The following ENTPD5 variants were observed in gnomAD, a reference collection of about 807,000 sequenced individuals.
The protein encoded by ENTPD5 is nucleoside diphosphate phosphatase ENTPD5.
A neutral mutation model predicts 60.2 loss-of-function variants in ENTPD5; 49 were observed. The ratio of observed to expected loss-of-function variants is 0.81; its 90% CI spans 0.65 to 1.03. ENTPD5 has a LOEUF of 1.03. ENTPD5 is among the 50% of genes least tolerant of loss of function. The pLI is 0.00. For missense variants in ENTPD5, 480 were observed against 507.6 expected (o/e 0.95, Z 0.52); for synonymous variants, 187 against 185.4 (o/e 1.01, Z -0.07).
rs759066906 is a variant in ENTPD5 at position 73,987,913 on chromosome 14, C to G, written c.190G>C (p.Val64Leu). ...DAGSTGTRIH[V>L]YTFVQKMPGQ... ...GGCATTTTCTGCACAAAGGTGTAAA[C>G]ATGAATTCGAGTTCCAGTGCTCCCT... The change falls in exon 4 of 16, where the codon GTT becomes CTT. Residue 64 changes from valine to leucine, a missense_variant. Transcript: ENST00000334696. The G allele has an allele frequency of 1.2e-6, 2 of 1,614,028 alleles. No individual in the cohort carries two copies. Among genetic ancestry groups the G allele is most frequent in the African/African-American group, 1.3e-5 (1 of 74,916 alleles).
Position 73,986,845 on chromosome 14 carries a change from C to T in ENTPD5, c.266G>A (p.Gly89Glu), listed in dbSNP as rs555761856. 6.2e-7 allele frequency: 1 copy of T among 1,614,090 alleles called. No individual in the cohort carries two copies. Among genetic ancestry groups the T allele is most frequent in the African/African-American group, 1.3e-5 (1 of 75,030 alleles). The change falls in exon 5 of 16, where the codon GGA becomes GAA. Residue 89 changes from glycine to glutamate, a missense_variant. Gly to Glu is a moderately conservative substitution (Grantham distance 98, BLOSUM62 -2). Transcript: ENST00000334696. ...EGEVFDSVKP[G>E]LSAFVDQPKQ... ...AGGTTGATCTACAAAAGCAGAAAGTCCTGGCTTCACAGAATCAAAAACTTC... is the reference window on the plus strand; with the variant it reads ...AGGTTGATCTACAAAAGCAGAAAGTTCTGGCTTCACAGAATCAAAAACTTC...
chr14:73,977,266 TC>T, intron 7 of ENTPD5, 32 bp downstream of exon 7: 2 of 1,528,558 alleles, frequency 1.3e-6, no homozygotes, highest in South Asian at 1.1e-5. Context: ...CCTGCCCCTC[TC>T]CCCCTGGAAC....
In ENTPD5 at chr14:73,966,932, T is replaced by C. The variant is rs1655003483; in HGVS notation, c.1283A>G (p.His428Arg). The C allele has an allele frequency of 6.2e-7, 1 of 1,613,806 alleles. No homozygotes were observed. Among genetic ancestry groups the C allele is most frequent in the Non-Finnish European group, 8.5e-7 (1 of 1,179,692 alleles). The change falls in exon 16 of 16, where the codon CAT (histidine) becomes CGT (arginine). Residue 428 changes from histidine to arginine, a missense_variant. By Grantham distance (29) the His-to-Arg change is conservative. Transcript: ENST00000334696. ...FHLLQSLGIS[H>R] The stretch of plus-strand genomic sequence containing the variant: ...TCTCCAAGGAAGTACGTGGCCTCAA[T>C]GGGAGATGCCCAGAGACTGCAACAG...
intron 14 of ENTPD5, 66 bp from the exon 15 acceptor site, chr14:73,970,191 T>C: frequency 8.2e-7 from 1 of 1,213,880 alleles, no homozygotes; most frequent in South Asian, 1.2e-5. Flanking sequence ...GATTTTCTCT[T>C]AGAAAGAAGT....
chr14:73,977,125 G>GTTTT, intron 7 of ENTPD5, 66 bp from the exon 8 acceptor site: 1 of 1,162,104 alleles, frequency 8.6e-7, no homozygotes, highest in Non-Finnish European at 1.2e-6. Flanking sequence ...CCCCAACCTT[G>GTTTT]TTTTTTTTTT....
intron 3 of ENTPD5, among the ~76,000 whole-genome samples, chr14:73,994,517 G>C (rs533794790): frequency 6.6e-5 from 10 of 151,810 alleles, no homozygotes; most frequent in Admixed American, 5.9e-4. Flanking sequence ...GGTGGATCAT[G>C]AGGTCAGGAG....
At chr14:73,956,016 G>A (rs769757330), downstream of ENTPD5, 2 of 1,579,330 alleles carry the variant, frequency 1.3e-6, no homozygotes, top group South Asian at 2.2e-5. Flanking sequence ...ACAATATTCA[G>A]TGTCCACCAT....
intron 3 of ENTPD5, among the ~76,000 whole-genome samples, chr14:74,005,663 C>G (rs866697133): frequency 1.3e-5 from 2 of 151,686 alleles, no homozygotes; most frequent in South Asian, 4.2e-4. Context: ...CAAAAATTAG[C>G]TGGGTGTGTG....
chr14:73,967,577 C>A (rs2057030870), intron 15 of ENTPD5, among the ~76,000 whole-genome samples: 1 of 152,040 alleles, frequency 6.6e-6, no homozygotes, highest in African/African-American at 2.4e-5. Context: ...GAGGCCAAGG[C>A]AGGTGGATTG....
chr14:73,963,065 A>G (rs1594822179), downstream of ENTPD5: 3 of 1,241,848 alleles, frequency 2.4e-6, no homozygotes, highest in East Asian at 2.3e-5. Flanking sequence ...CCCATCATAC[A>G]TATTTTCAAG....
At chr14:73,958,981 A>G, downstream of ENTPD5, 2 of 1,613,962 alleles carry the variant, frequency 1.2e-6, no homozygotes, top group Non-Finnish European at 1.7e-6. Context: ...ATAGGTGCAG[A>G]TGGTCACAAC....
At chr14:73,970,942 C>A (rs1352950499) in intron 14 of ENTPD5, among the ~76,000 whole-genome samples, 1 of 151,822 alleles carries the variant, frequency 6.6e-6, no homozygotes, top group African/African-American at 2.4e-5. Flanking sequence ...CCTCCTGCCT[C>A]AGCCTCCCAA....
At chr14:73,967,088 AAT>A in intron 15 of ENTPD5, 74 bp from the exon 16 acceptor site, 2 of 1,284,556 alleles carry the variant, frequency 1.6e-6, no homozygotes, top group Non-Finnish European at 2.2e-6. Flanking sequence ...TTGGGCAGAA[AAT>A]ATTGGCAAAG....
At chr14:73,989,016 G>T (rs1241551705) in intron 3 of ENTPD5, among the ~76,000 whole-genome samples, 2 of 151,874 alleles carry the variant, frequency 1.3e-5, no homozygotes, top group Non-Finnish European at 2.9e-5. Flanking sequence ...TACAGACGGG[G>T]TTTCACCATG....
intron 3 of ENTPD5, among the ~76,000 whole-genome samples, chr14:73,998,627 T>C (rs1345026436): frequency 4.8e-4 from 73 of 151,756 alleles, no homozygotes; most frequent in Non-Finnish European, 1.5e-5. Context: ...AAAGTGAAAA[T>C]GTGTCAAGCA....
At chr14:73,976,256 C>T (rs1170006916) in intron 9 of ENTPD5, 68 bp downstream of exon 9, 1 of 1,389,678 alleles carries the variant, frequency 7.2e-7, no homozygotes, top group South Asian at 1.2e-5. Flanking sequence ...AAATGGGGCG[C>T]CTCTTTCTTG....
At chr14:74,014,799 G>T (rs181966772) in intron 2 of ENTPD5, among the ~76,000 whole-genome samples, 2 of 152,254 alleles carry the variant, frequency 1.3e-5, no homozygotes, top group African/African-American at 4.8e-5. Flanking sequence ...GTAACTCCTG[G>T]CCAGGTGTGG....
At chr14:73,967,758 C>T (rs2057040978) in intron 15 of ENTPD5, among the ~76,000 whole-genome samples, 1 of 144,770 alleles carries the variant, frequency 6.9e-6, no homozygotes, top group African/African-American at 2.6e-5. Flanking sequence ...TGAGATCATG[C>T]CACTGCACTC....
At chr14:73,956,409 T>A (rs2336738), downstream of ENTPD5, 866 of 164,926 alleles carry the variant, frequency 5.3e-3, 8 homozygotes, top group African/African-American at 0.019. Flanking sequence ...ATATAATAAT[T>A]CTATGTTTAA....
Sources: gnomAD v4.1 joint callset for allele counts (sites outside exome capture counted in the v4.1 genomes callset) on GRCh38, gnomAD v4.1.1 for gene constraint, MANE v1.5 for transcripts, NCBI Gene and HGNC (gene_info 2026-07-23, HGNC 2026-07-21) for gene names.